The following LRRC4C variants were observed in gnomAD, a reference collection of about 807,000 sequenced individuals.
The protein encoded by LRRC4C is leucine rich repeat containing 4C, also known as leucine-rich repeat-containing protein 4C.
A neutral mutation model predicts 33.6 loss-of-function variants in LRRC4C; 5 were observed. The observed-to-expected ratio is 0.15, with a 90% CI of 0.08 to 0.31. The LOEUF (loss-of-function observed/expected upper bound fraction) is 0.31. Among genes scored for constraint, LRRC4C ranks in the 10% least tolerant of loss-of-function variants. The pLI is 1.00. For synonymous variants in LRRC4C, 329 were observed against 302.0 expected, an observed-to-expected ratio of 1.09 and a Z score of -0.93; for missense variants, 560 against 796.7, an observed-to-expected ratio of 0.70 and a Z score of 3.58.
chr11:40,888,524 C>A (rs920821850), intron 2 of LRRC4C, among the ~76,000 whole-genome samples: 1 of 151,920 alleles, frequency 6.6e-6, no homozygotes, highest in African/African-American at 2.4e-5. Flanking sequence ...GGAAGTTGTT[C>A]TTTGCTGAAA....
chr11:41,318,944 C>A (rs571136953), intron 1 of LRRC4C, among the ~76,000 whole-genome samples: 1 of 152,292 alleles, frequency 6.6e-6, no homozygotes, highest in African/African-American at 2.4e-5. Context: ...TTCAGGGGAC[C>A]AAATTTTAAC....
chr11:41,308,916 C>T (rs947681739), intron 1 of LRRC4C, among the ~76,000 whole-genome samples: 2 of 151,964 alleles, frequency 1.3e-5, no homozygotes, highest in Admixed American at 1.3e-4. Context: ...GTGATTCTCC[C>T]GCCTCAGCCT....
chr11:40,242,647 A>T (rs1866008193), intron 4 of LRRC4C, among the ~76,000 whole-genome samples: 1 of 152,200 alleles, frequency 6.6e-6, no homozygotes, highest in Admixed American at 6.5e-5. Context: ...CATTTTTATG[A>T]CATACACAAG....
chr11:41,132,216 C>T (rs1342997884), intron 1 of LRRC4C, among the ~76,000 whole-genome samples: 5 of 152,026 alleles, frequency 3.3e-5, no homozygotes, highest in African/African-American at 4.8e-5. Flanking sequence ...GTGGTGTTAT[C>T]ATAACATCTC....
At chr11:41,235,945 G>T (rs1247323348) in intron 1 of LRRC4C, among the ~76,000 whole-genome samples, 4 of 152,078 alleles carry the variant, frequency 2.6e-5, no homozygotes, top group Admixed American at 1.3e-4. Context: ...TTTCCTAATA[G>T]AATCTAGAAT....
intron 3 of LRRC4C, among the ~76,000 whole-genome samples, chr11:40,424,239 T>C (rs148901581): frequency 3.3e-5 from 5 of 152,180 alleles, no homozygotes; most frequent in South Asian, 2.1e-4. Flanking sequence ...ACTGGTACTT[T>C]AGTGAAGCGT....
At chr11:40,747,715 TAAAA>T (rs1476788270) in intron 2 of LRRC4C, among the ~76,000 whole-genome samples, 1 of 151,562 alleles carries the variant, frequency 6.6e-6, no homozygotes, top group African/African-American at 2.4e-5. Context: ...AAAGATATCA[TAAAA>T]AAGGAATCAA....
At chr11:41,407,742 T>C (rs1954296941) in intron 1 of LRRC4C, among the ~76,000 whole-genome samples, 1 of 152,222 alleles carries the variant, frequency 6.6e-6, no homozygotes, top group Admixed American at 6.5e-5. Context: ...CGAGAATCTA[T>C]AGTGTCTTGG....
intron 1 of LRRC4C, among the ~76,000 whole-genome samples, chr11:41,291,986 C>A (rs1209900378): frequency 6.6e-6 from 1 of 152,112 alleles, no homozygotes; most frequent in Non-Finnish European, 1.5e-5. Flanking sequence ...ACCATTAGAT[C>A]ATTCCAAAGT....
intron 3 of LRRC4C, among the ~76,000 whole-genome samples, chr11:40,407,478 A>G (rs1198530434): frequency 6.6e-6 from 1 of 152,142 alleles, no homozygotes; most frequent in Non-Finnish European, 1.5e-5. Context: ...CATGAGGATC[A>G]AAGGAAATCT....
intron 1 of LRRC4C, among the ~76,000 whole-genome samples, chr11:41,406,947 A>G (rs1461995343): frequency 6.6e-6 from 1 of 152,174 alleles, no homozygotes; most frequent in African/African-American, 2.4e-5. Flanking sequence ...CATGTAAAAA[A>G]AATTGTAAAA....
chr11:40,154,022 G>C (rs1858447266), intron 5 of LRRC4C, among the ~76,000 whole-genome samples: 1 of 152,118 alleles, frequency 6.6e-6, no homozygotes, highest in Non-Finnish European at 1.5e-5. Flanking sequence ...AATCTTAAGA[G>C]CTGTGACACA....
intron 3 of LRRC4C, among the ~76,000 whole-genome samples, chr11:40,647,670 G>A (rs1036058438): frequency 2.0e-5 from 3 of 152,064 alleles, no homozygotes; most frequent in African/African-American, 7.2e-5. Flanking sequence ...AGAGAGAATC[G>A]AAAGCCAGCT....
chr11:40,913,731 A>G (rs1334916788), intron 2 of LRRC4C, among the ~76,000 whole-genome samples: 1 of 152,156 alleles, frequency 6.6e-6, no homozygotes, highest in Non-Finnish European at 1.5e-5. Flanking sequence ...GACACAAAAA[A>G]CCCTTCAAAA....
intron 2 of LRRC4C, among the ~76,000 whole-genome samples, chr11:40,915,504 T>C (rs1027667844): frequency 1.1e-4 from 17 of 152,208 alleles, no homozygotes. Context: ...TGTAGAAAGC[T>C]GAAACTGGAT....
intron 1 of LRRC4C, among the ~76,000 whole-genome samples, chr11:41,285,488 G>A (rs974671767): frequency 6.6e-6 from 1 of 152,104 alleles, no homozygotes; most frequent in South Asian, 2.1e-4. Context: ...CCTTTGATAA[G>A]CTAACAGCCT....
chr11:41,308,314 G>A (rs1266107381), intron 1 of LRRC4C, among the ~76,000 whole-genome samples: 1 of 149,468 alleles, frequency 6.7e-6, no homozygotes, highest in Admixed American at 6.6e-5. Context: ...ATTTTTTTTT[G>A]CAACAGCGTG....
chr11:41,405,703 A>T (rs921651833), intron 1 of LRRC4C, among the ~76,000 whole-genome samples: 19 of 152,148 alleles, frequency 1.2e-4, no homozygotes, highest in African/African-American at 4.6e-4. Context: ...AACAAGAAAA[A>T]GGAAGAATCT....
intron 1 of LRRC4C, among the ~76,000 whole-genome samples, chr11:41,021,219 G>GTA (rs1855960387): frequency 7.9e-6 from 1 of 127,112 alleles, no homozygotes; most frequent in Non-Finnish European, 1.7e-5. Flanking sequence ...GAGAGAGTGT[G>GTA]TGTGTGTGTG....
Sources: gnomAD v4.1 joint callset for allele counts (sites outside exome capture counted in the v4.1 genomes callset) on GRCh38, gnomAD v4.1.1 for gene constraint, MANE v1.5 for transcripts, NCBI Gene and HGNC (gene_info 2026-07-23, HGNC 2026-07-21) for gene names.